The following DLG5 variants were observed in gnomAD, a reference collection of about 807,000 sequenced individuals.
DLG5 encodes disks large homolog 5.
Under a neutral mutation model 189.8 loss-of-function variants are expected in DLG5, and 48 were observed. The ratio of observed to expected loss-of-function variants is 0.25; its 90% confidence interval spans 0.20 to 0.32. The LOEUF is 0.32. Among genes scored for constraint, DLG5 ranks in the 10% least tolerant of loss-of-function variants. DLG5 has a pLI of 1.00. For synonymous variants in DLG5, 1,016 were observed against 1,054.1 expected, an observed-to-expected ratio of 0.96 and a Z score of 0.70; for missense variants, 2,160 against 2,544.7, an observed-to-expected ratio of 0.85 and a Z score of 3.25.
chr10:77,797,302 C>T (rs569847484), intron 27 of DLG5, among the ~76,000 whole-genome samples: 105 of 152,328 alleles, frequency 6.9e-4, no homozygotes, highest in African/African-American at 2.5e-3. Flanking sequence ...GAATAAAGTC[C>T]TTGCAGGGAG....
chr10:77,840,957 C>T (rs1466900856), intron 7 of DLG5, among the ~76,000 whole-genome samples: 1 of 152,188 alleles, frequency 6.6e-6, no homozygotes, highest in East Asian at 1.9e-4. Flanking sequence ...CCAGCCCTGC[C>T]AATCTGCCTG....
At position 77,792,406 on chromosome 10, in the gene DLG5, G is replaced by A. The variant is rs184653394; in HGVS notation, c.*34C>T. 2.1e-5 allele frequency: 34 copies of A among 1,594,390 alleles called. No homozygotes were observed. Among genetic ancestry groups the A allele is most frequent in the East Asian group, 1.6e-4 (7 of 44,748 alleles). On this transcript the variant is annotated 3_prime_UTR_variant, in exon 32 of 32. Transcript: ENST00000372391. ...AGCTGAGTCTGGTGTCCCCTCAGGC[G>A]GCCAGCTGCAGTCATCCACAGCACA...
chr10:77,853,103 C>T (rs75454685), intron 5 of DLG5, among the ~76,000 whole-genome samples: 5,502 of 152,100 alleles, frequency 0.036, 231 homozygotes, highest in East Asian at 0.25. Flanking sequence ...CTGCCTCAAC[C>T]TCCTGAGTAG....
At chr10:77,911,005 A>C (rs948707172) in intron 1 of DLG5, among the ~76,000 whole-genome samples, 1 of 151,766 alleles carries the variant, frequency 6.6e-6, no homozygotes, top group Non-Finnish European at 1.5e-5. Context: ...AAAAAAAAAA[A>C]AAAACATAAA....
intron 5 of DLG5, among the ~76,000 whole-genome samples, chr10:77,845,718 C>T (rs1193736627): frequency 6.6e-6 from 1 of 151,810 alleles, no homozygotes. Flanking sequence ...CATTCTTTTT[C>T]CTTTATTTAT....
intron 1 of DLG5, among the ~76,000 whole-genome samples, chr10:77,915,207 A>T (rs1846324438): frequency 6.6e-6 from 1 of 151,982 alleles, no homozygotes; most frequent in Admixed American, 6.6e-5. Flanking sequence ...GGCACCTGTA[A>T]TCCCAGCTAC....
At chr10:77,841,079 T>C (rs1043724830) in intron 7 of DLG5, among the ~76,000 whole-genome samples, 46 of 152,316 alleles carry the variant, frequency 3.0e-4, no homozygotes, top group Middle Eastern at 3.4e-3. Context: ...AGAACTATTC[T>C]GATAGGAAAA....
chr10:77,870,545 G>A (rs1220424943), intron 1 of DLG5, among the ~76,000 whole-genome samples: 16 of 152,204 alleles, frequency 1.1e-4, no homozygotes, highest in East Asian at 1.9e-4. Context: ...TTAGCTGGGC[G>A]TGGTGGCACG....
chr10:77,817,141 C>T (rs1312769430), intron 18 of DLG5, 45 bp from the exon 19 acceptor site: 2 of 1,541,882 alleles, frequency 1.3e-6, no homozygotes, highest in African/African-American at 2.7e-5. Flanking sequence ...CATGGTTAAA[C>T]ACCACCCTGT....
intron 11 of DLG5, 37 bp from the exon 12 acceptor site, chr10:77,829,567 G>T: frequency 6.4e-7 from 1 of 1,556,376 alleles, no homozygotes; most frequent in Non-Finnish European, 8.7e-7. Context: ...ACCCACACAG[G>T]CTGTGGGACC....
intron 1 of DLG5, among the ~76,000 whole-genome samples, chr10:77,909,275 A>C (rs150610373): frequency 2.0e-5 from 3 of 152,160 alleles, no homozygotes; most frequent in African/African-American, 7.2e-5. Flanking sequence ...CAAATACTGC[A>C]TGTTCTCACT....
At chr10:77,901,783 G>A (rs1429208343) in intron 1 of DLG5, among the ~76,000 whole-genome samples, 1 of 152,202 alleles carries the variant, frequency 6.6e-6, no homozygotes, top group African/African-American at 2.4e-5. Context: ...CTCCAACGGT[G>A]GAGCAGCCCA....
At chr10:77,915,290 G>A (rs1444226827) in intron 1 of DLG5, among the ~76,000 whole-genome samples, 2 of 150,750 alleles carry the variant, frequency 1.3e-5, no homozygotes, top group African/African-American at 2.4e-5. Context: ...TTGCACCACT[G>A]CACTCCAGCC....
At chr10:77,910,547 T>C (rs1031404788) in intron 1 of DLG5, among the ~76,000 whole-genome samples, 1 of 152,140 alleles carries the variant, frequency 6.6e-6, no homozygotes, top group African/African-American at 2.4e-5. Flanking sequence ...CCCAGCCTGC[T>C]CCTGGTAAAG....
intron 13 of DLG5, among the ~76,000 whole-genome samples, chr10:77,826,777 G>T (rs558958577): frequency 1.3e-5 from 2 of 152,090 alleles, no homozygotes; most frequent in African/African-American, 4.8e-5. Flanking sequence ...GCGAAACCCC[G>T]TCTCTACTAA....
intron 1 of DLG5, among the ~76,000 whole-genome samples, chr10:77,911,591 G>T (rs1213020865): frequency 6.6e-6 from 1 of 152,052 alleles, no homozygotes; most frequent in Non-Finnish European, 1.5e-5. Context: ...GGGACTCAGG[G>T]GTCATCTTAG....
upstream of DLG5, chr10:77,927,079 C>A (rs775176081): frequency 1.5e-5 from 3 of 196,966 alleles, no homozygotes; most frequent in East Asian, 1.7e-4. Flanking sequence ...CCCGCTCCCC[C>A]GTGGCCACAG....
intron 1 of DLG5, among the ~76,000 whole-genome samples, chr10:77,902,153 G>A (rs1247448303): frequency 6.6e-6 from 1 of 152,138 alleles, no homozygotes. Context: ...GAGATGCCGT[G>A]CCTATTTCCC....
chr10:77,935,495 A>G, the DLG5 span, among the ~76,000 whole-genome samples: 1 of 151,974 alleles, frequency 6.6e-6, no homozygotes, highest in African/African-American at 2.4e-5. Flanking sequence ...CTAAGTGAGC[A>G]GAGGCCCCAC....
Sources: gnomAD v4.1 joint callset for allele counts (sites outside exome capture counted in the v4.1 genomes callset) on GRCh38, gnomAD v4.1.1 for gene constraint, MANE v1.5 for transcripts, NCBI Gene and HGNC (gene_info 2026-07-23, HGNC 2026-07-21) for gene names.